The following ARSK variants were observed in gnomAD, a reference collection of about 807,000 sequenced individuals.
ARSK encodes arylsulfatase K.
ARSK carries 37 observed loss-of-function variants against 53.2 expected under a neutral mutation model. The ratio of observed to expected loss-of-function variants is 0.70; its 90% CI spans 0.54 to 0.92. The LOEUF (loss-of-function observed/expected upper bound fraction) is 0.92. Among genes scored for constraint, ARSK ranks in the 40% least tolerant of loss-of-function variants. ARSK has a pLI of 0.00. For missense variants in ARSK, 613 were observed against 643.0 expected (o/e 0.95, Z 0.51); for synonymous variants, 208 against 223.2 (o/e 0.93, Z 0.61).
chr5:95,581,932 A>G (rs1749026704), intron 3 of ARSK, among the ~76,000 whole-genome samples: 1 of 152,134 alleles, frequency 6.6e-6, no homozygotes, highest in Non-Finnish European at 1.5e-5. Flanking sequence ...AATTTTTATT[A>G]TAGCTATTTA....
In ARSK at chr5:95,555,471, G is replaced by T; in HGVS notation, c.126+67G>T. 2 of 1,522,130 alleles carry T rather than the reference G, an allele frequency of 1.3e-6. No homozygotes were observed. The allele number at this position is 1,522,130 out of a possible 1,614,324, so 94.3% of individuals were successfully genotyped here. The stretch of plus-strand genomic sequence containing the variant: ...CGGCGACCTCACCGCCGCCGCCTGT[G>T]CTGCAGGCTTTGGGGAGCAGAACCT... On this transcript the variant is annotated intron_variant, in intron 1 of 7. Coordinates refer to ENST00000380009, the MANE Select transcript of ARSK (RefSeq NM_198150.3). The surrounding 1 kb of genome is among the most constrained non-coding windows in gnomAD (Gnocchi z 4.0).
intron 1 of ARSK, chr5:95,556,290 A>C: frequency 1.4e-6 from 1 of 699,958 alleles, no homozygotes. Flanking sequence ...TTTGTGATTT[A>C]AACTTAGAGA....
chr5:95,573,035 C>T (rs1688142426), intron 3 of ARSK, among the ~76,000 whole-genome samples: 2 of 152,128 alleles, frequency 1.3e-5, no homozygotes, highest in South Asian at 4.1e-4. Context: ...GAAAACAGCC[C>T]CTTCCCTAAC....
chr5:95,575,247 G>T (rs1411992741), intron 3 of ARSK, among the ~76,000 whole-genome samples: 1 of 152,128 alleles, frequency 6.6e-6, no homozygotes, highest in Non-Finnish European at 1.5e-5. Flanking sequence ...GGTTACTAAA[G>T]CTCTGTAGTA....
chr5:95,559,263 A>G (rs1465091936), intron 1 of ARSK, among the ~76,000 whole-genome samples: 1 of 152,212 alleles, frequency 6.6e-6, no homozygotes, highest in Non-Finnish European at 1.5e-5. Flanking sequence ...AACAAAATGG[A>G]TTTGGCCCTC....
At position 95,583,127 on chromosome 5, in the gene ARSK, T is replaced by C. The variant is rs779152385; in HGVS notation, c.628T>C (p.Tyr210His). ...IYLGLNLPHP[Y>H]PSPSSGENFG... ...CTTGGGATTAAATTTACCACACCCT[T>C]ACCCTTCACCATCTTCTGGAGAAAA... Residue 210 changes from tyrosine (Y) to histidine (H), a missense_variant, in exon 4 of 8, where the codon TAC becomes CAC. Coordinates refer to ENST00000380009, the MANE Select transcript of ARSK (RefSeq NM_198150.3). 3 of 1,610,418 alleles carry C rather than the reference T, an allele frequency of 1.9e-6. No individual in the cohort carries two copies. The South Asian group carries it at 3.3e-5, about 18-fold the overall frequency.
chr5:95,591,700 T>C (rs1749220354), intron 6 of ARSK, 75 bp downstream of exon 6: 4 of 1,443,066 alleles, frequency 2.8e-6, no homozygotes, highest in Non-Finnish European at 3.9e-6. Flanking sequence ...AGTGAGTCAG[T>C]CTTTCAGTTA....
chr5:95,582,372 C>T (rs6556876), intron 3 of ARSK, among the ~76,000 whole-genome samples: 40,761 of 151,882 alleles, frequency 0.27, 7,721 homozygotes, highest in African/African-American at 0.54. Flanking sequence ...ATATGAAATT[C>T]GTATCACTAT....
In ARSK at chr5:95,574,090, CAT is replaced by C. The variant is rs368014887; in HGVS notation, c.416+6042_416+6043del. Reference sequence around the variant, plus strand: ...TTCAGCTCCCACAAATAAGTGAGAACATGTGAAGTTTGCCTTTCTGTGCCTGG... The same window carrying C: ...TTCAGCTCCCACAAATAAGTGAGAACGTGAAGTTTGCCTTTCTGTGCCTGG... On this transcript the variant is annotated intron_variant, in intron 3 of 7. Transcript: ENST00000380009. 1.1e-3 allele frequency among the ~76,000 whole-genome samples: 164 copies of C among 152,282 alleles called. 1 individual carries two copies. Among genetic ancestry groups the C allele is most frequent in the Middle Eastern group, 6.8e-3 (2 of 294 alleles).
intron 6 of ARSK, among the ~76,000 whole-genome samples, chr5:95,597,544 T>G (rs1749330672): frequency 6.6e-6 from 1 of 152,196 alleles, no homozygotes; most frequent in South Asian, 2.1e-4. Context: ...CGTTACCAAC[T>G]GCGTAATCTT....
intron 1 of ARSK, among the ~76,000 whole-genome samples, chr5:95,561,755 G>A (rs539765146): frequency 6.6e-6 from 1 of 152,180 alleles, no homozygotes; most frequent in Non-Finnish European, 1.5e-5. Flanking sequence ...GAGAGTAATG[G>A]CTAAAGAGTG....
chr5:95,583,036 T>C lies in ARSK; in HGVS notation c.537T>C (p.Asn179=). Residue 179 remains asparagine, a synonymous_variant, in exon 4 of 8, where the codon AAT becomes AAC. Coordinates refer to ENST00000380009, the MANE Select transcript of ARSK (RefSeq NM_198150.3). The stretch of plus-strand genomic sequence containing the variant: ...GAGTGATGGAAAGGGATTGGCAGAA[T>C]ACAGACAAAGCAGTAAACTGGTTAA... ...KVRVMERDWQ[N]TDKAVNWLRK... is the part of the protein sequence containing the mutation. 6.2e-7 allele frequency: 1 copy of C among 1,613,834 alleles called. No individual in the cohort carries two copies. The highest frequency in any genetic ancestry group is 8.5e-7 in the Non-Finnish European group (1 of 1,179,776).
chr5:95,589,498 A>G (rs1561367731), intron 5 of ARSK, among the ~76,000 whole-genome samples: 1 of 152,142 alleles, frequency 6.6e-6, no homozygotes, highest in African/African-American at 2.4e-5. Flanking sequence ...CTCATTGTTC[A>G]GCTCCCACTT....
At chr5:95,589,106 T>C (rs2112439279) in intron 5 of ARSK, among the ~76,000 whole-genome samples, 1 of 152,336 alleles carries the variant, frequency 6.6e-6, no homozygotes, top group South Asian at 2.1e-4. Context: ...CCCAGCTCAG[T>C]TGTTACCTCC....
In ARSK at chr5:95,604,925, T is replaced by C. The variant is rs1257737456; in HGVS notation, c.*1399T>C. 6.6e-6 allele frequency: 1 copy of C among 152,254 alleles called. No individual in the cohort carries two copies. The highest frequency in any genetic ancestry group is 1.9e-4 in the East Asian group (1 of 5,196). The allele number at this position is 152,254 out of a possible 1,614,324, so 9.4% of individuals were successfully genotyped here. ...ATATCTTCTTTCCAGTTTGTCATTGTCATTTGTCTTTTGACTTTGTTCTGG... is the reference window on the plus strand; with the variant it reads ...ATATCTTCTTTCCAGTTTGTCATTGCCATTTGTCTTTTGACTTTGTTCTGG... On this transcript the variant is annotated 3_prime_UTR_variant, in exon 8 of 8. Coordinates refer to ENST00000380009, the MANE Select transcript of ARSK (RefSeq NM_198150.3).
In ARSK at chr5:95,589,506, C is replaced by T. The variant is rs1035947382; in HGVS notation, c.872-1895C>T. 9.9e-5 allele frequency among the ~76,000 whole-genome samples: 15 copies of T among 152,196 alleles called. No homozygotes were observed. The East Asian group carries it at 2.9e-3, about 29-fold the overall frequency. ...ATGTGTTCTCATTGTTCAGCTCCCA[C>T]TTATAAGTGAGAACATGCAGTGTTT... On this transcript the variant is annotated intron_variant, in intron 5 of 7. Coordinates refer to ENST00000380009, the MANE Select transcript of ARSK (RefSeq NM_198150.3).
At chr5:95,601,368 C>T (rs1406011388) in intron 7 of ARSK, among the ~76,000 whole-genome samples, 1 of 152,190 alleles carries the variant, frequency 6.6e-6, no homozygotes, top group Non-Finnish European at 1.5e-5. Flanking sequence ...AAGTCAACAC[C>T]TCATTGTACC....
intron 7 of ARSK, 50 bp from the exon 8 acceptor site, chr5:95,603,187 A>C (rs1432988295): frequency 7.0e-7 from 1 of 1,432,666 alleles, no homozygotes; most frequent in Non-Finnish European, 9.3e-7. Flanking sequence ...ATTCTAAAAA[A>C]ATTTTTAGCA....
chr5:95,572,147 A>T (rs1748842330), intron 3 of ARSK, among the ~76,000 whole-genome samples: 1 of 152,128 alleles, frequency 6.6e-6, no homozygotes, highest in Non-Finnish European at 1.5e-5. Context: ...AGTGTCCCTT[A>T]TTATATATGA....
Sources: allele counts gnomAD v4.1 joint callset (sites outside exome capture counted in the v4.1 genomes callset), GRCh38; gene constraint gnomAD v4.1.1; non-coding constraint Gnocchi (gnomAD v3.1); transcripts MANE v1.5; gene names NCBI Gene and HGNC (gene_info 2026-07-23, HGNC 2026-07-21).